Variants in BLVRA observed in about 807,000 individuals in gnomAD.
The protein encoded by BLVRA is BVR A.
BLVRA carries 22 observed loss-of-function variants against 32.8 expected under a neutral mutation model. That is an observed-to-expected ratio of 0.67 (90% confidence interval 0.48 to 0.96). BLVRA has a LOEUF of 0.96. Ranked by LOEUF, BLVRA falls within the 40% of genes least tolerant of loss-of-function variation. BLVRA has a pLI of 0.00. For synonymous variants in BLVRA, 119 were observed against 141.3 expected (o/e 0.84, Z 1.12); for missense variants, 323 against 358.1 (o/e 0.90, Z 0.79).
chr7:43,786,110 A>C (rs1055811657), intron 2 of BLVRA, among the ~76,000 whole-genome samples: 8 of 152,356 alleles, frequency 5.3e-5, no homozygotes, highest in African/African-American at 1.9e-4. Context: ...AGTAAAAAAA[A>C]GCAAGACCTA....
chr7:43,792,901 C>T, intron 5 of BLVRA, 89 bp downstream of exon 5: 1 of 1,268,964 alleles, frequency 7.9e-7, no homozygotes, highest in Non-Finnish European at 1.1e-6. Context: ...TCAGATATCT[C>T]CTCCTCCTGG....
chr7:43,801,999 G>A (rs554803757), intron 6 of BLVRA, among the ~76,000 whole-genome samples: 1 of 152,144 alleles, frequency 6.6e-6, no homozygotes, highest in East Asian at 1.9e-4. Context: ...AAAATTAGTC[G>A]GGCATGGTGG....
intron 1 of BLVRA, among the ~76,000 whole-genome samples, chr7:43,759,522 A>AT (rs761906198): frequency 5.9e-5 from 9 of 152,076 alleles, no homozygotes; most frequent in Non-Finnish European, 1.2e-4. Flanking sequence ...TGTTGCCTCG[A>AT]TTTTCTCACC....
chr7:43,788,130 TCCCAA>T, intron 3 of BLVRA, 105 bp downstream of exon 3: 4 of 1,583,506 alleles, frequency 2.5e-6, no homozygotes, highest in Non-Finnish European at 2.6e-6. Context: ...GAGAGCCATC[TCCCAA>T]CTGAGAACTG....
At chr7:43,799,956 T>C (rs972294371) in intron 5 of BLVRA, among the ~76,000 whole-genome samples, 5 of 152,132 alleles carry the variant, frequency 3.3e-5, no homozygotes, top group Admixed American at 2.6e-4. Flanking sequence ...TCATTTCTCT[T>C]TTTTTCTTTT....
intron 6 of BLVRA, among the ~76,000 whole-genome samples, chr7:43,802,987 G>GC (rs1173938980): frequency 6.6e-6 from 1 of 152,182 alleles, no homozygotes; most frequent in Non-Finnish European, 1.5e-5. Flanking sequence ...ACCCACCTTG[G>GC]CCTCCCAAAG....
chr7:43,760,546 TGTG>T (rs990774273), intron 1 of BLVRA, among the ~76,000 whole-genome samples: 1 of 152,222 alleles, frequency 6.6e-6, no homozygotes, highest in African/African-American at 2.4e-5. Context: ...ATTTGTTTTT[TGTG>T]GTAAATCATA....
intron 1 of BLVRA, among the ~76,000 whole-genome samples, chr7:43,762,876 C>T (rs1229208721): frequency 1.3e-5 from 2 of 152,048 alleles, no homozygotes; most frequent in Non-Finnish European, 2.9e-5. Flanking sequence ...CTCGGCCTCC[C>T]AAAGTGCTGG....
chr7:43,779,355 C>T (rs913547685), intron 2 of BLVRA, among the ~76,000 whole-genome samples: 1 of 152,222 alleles, frequency 6.6e-6, no homozygotes, highest in Admixed American at 6.5e-5. Context: ...TTAATTTCTC[C>T]GTTTTCTCTT....
rs528498478 is a variant in BLVRA at position 43,760,149 on chromosome 7, A to G, written c.-22+1415A>G. The stretch of plus-strand genomic sequence containing the variant: ...CTCGGCCTCCCAAAGTGCTGGGATT[A>G]TAACAGGCGTGGCATGAGTCACCGC... On this transcript the variant is annotated intron_variant, in intron 1 of 7. Transcript: ENST00000265523. The G allele has an allele frequency of 3.3e-5, 5 of 152,180 alleles. No individual in the cohort carries two copies. The South Asian group carries it at 1.0e-3, about 32-fold the overall frequency. 9.4% of individuals were successfully genotyped at this position (152,180 alleles called of 1,614,324 possible). A position where few individuals can be genotyped will look rare whatever the true frequency, so the allele number is the denominator to read the frequency against.
chr7:43,793,430 C>A (rs903880267), intron 5 of BLVRA, among the ~76,000 whole-genome samples: 2 of 152,044 alleles, frequency 1.3e-5, no homozygotes, highest in African/African-American at 4.8e-5. Context: ...TAATCAAATC[C>A]TACAGGGCTC....
chr7:43,801,704 C>A (rs2095798901), intron 6 of BLVRA, among the ~76,000 whole-genome samples: 2 of 152,120 alleles, frequency 1.3e-5, no homozygotes, highest in South Asian at 4.1e-4. Flanking sequence ...ATTCACTACC[C>A]CCATTATACA....
intron 7 of BLVRA, among the ~76,000 whole-genome samples, chr7:43,804,652 C>T (rs2095802242): frequency 1.3e-5 from 2 of 152,154 alleles, no homozygotes; most frequent in South Asian, 2.1e-4. Context: ...GTGTGAGGGT[C>T]TGTGTTTCAG....
At chr7:43,786,928 T>TC (rs1476813971) in intron 2 of BLVRA, among the ~76,000 whole-genome samples, 1 of 106,102 alleles carries the variant, frequency 9.4e-6, no homozygotes, top group Non-Finnish European at 2.5e-5. Flanking sequence ...ATGGAGATAA[T>TC]TTTTTTTTTT....
upstream of BLVRA, among the ~76,000 whole-genome samples, chr7:43,758,277 G>T (rs548016373): frequency 8.1e-6 from 1 of 123,528 alleles, no homozygotes; most frequent in African/African-American, 2.6e-5. Flanking sequence ...GATCCAGTGG[G>T]TTCTACGTGG....
At chr7:43,785,118 T>A (rs1007135812) in intron 2 of BLVRA, among the ~76,000 whole-genome samples, 10 of 152,284 alleles carry the variant, frequency 6.6e-5, no homozygotes, top group African/African-American at 2.4e-4. Context: ...GCCTTTTTTT[T>A]AAGCTGGTAG....
rs200862503 is a variant in BLVRA at position 43,807,174 on chromosome 7, G to A, written c.830G>A (p.Arg277His). Residue 277 changes from arginine (R) to histidine (H), a missense_variant, in exon 8 of 8, where the codon CGC (arginine) becomes CAC (histidine). By Grantham distance (29) the Arg-to-His change is conservative. Coordinates refer to ENST00000265523, the MANE Select transcript of BLVRA (RefSeq NM_000712.4). ...SEKELAAEKKRILHCLGLAEE... is the reference protein window; with the variant it reads ...SEKELAAEKKHILHCLGLAEE... ...AAGGAACTGGCTGCTGAAAAGAAAC[G>A]CATCCTGCACTGCCTGGGGCTTGCA... 30 of 1,613,054 alleles carry A rather than the reference G, an allele frequency of 1.9e-5. No homozygotes were observed. The highest frequency in any genetic ancestry group is 3.3e-5 in the South Asian group (3 of 91,084).
At chr7:43,791,401 C>T (rs769385684) in intron 4 of BLVRA, 33 bp downstream of exon 4, 1 of 1,613,276 alleles carries the variant, frequency 6.2e-7, no homozygotes. Context: ...CCTTGCCTTA[C>T]ACAGCAGTGC....
At chr7:43,793,619 T>G (rs1023074625) in intron 5 of BLVRA, among the ~76,000 whole-genome samples, 11 of 95,498 alleles carry the variant, frequency 1.2e-4, no homozygotes, top group African/African-American at 3.4e-4. Flanking sequence ...CTTTTACAAC[T>G]TTTTTTTTTT....
Sources: allele counts gnomAD v4.1 joint callset (sites outside exome capture counted in the v4.1 genomes callset), GRCh38; gene constraint gnomAD v4.1.1; transcripts MANE v1.5; gene names NCBI Gene and HGNC (gene_info 2026-07-23, HGNC 2026-07-21).